The following WWC1 variants were observed in gnomAD, a reference collection of about 807,000 sequenced individuals.
The protein encoded by WWC1 is WW and C2 domain containing 1.
A neutral mutation model predicts 138.4 loss-of-function variants in WWC1; 55 were observed. The ratio of observed to expected loss-of-function variants is 0.40; its 90% CI spans 0.32 to 0.50. The LOEUF is 0.50. Among genes scored for constraint, WWC1 ranks in the 20% least tolerant of loss-of-function variants. The pLI, the probability that WWC1 is intolerant of heterozygous loss-of-function variation, is 0.72. For missense variants in WWC1, 1,226 were observed against 1,420.4 expected, an observed-to-expected ratio of 0.86 and a Z score of 2.20; for synonymous variants, 524 against 564.9, an observed-to-expected ratio of 0.93 and a Z score of 1.03.
At chr5:168,392,917 A>G (rs1299679538) in intron 3 of WWC1, among the ~76,000 whole-genome samples, 2 of 152,116 alleles carry the variant, frequency 1.3e-5, no homozygotes, top group Non-Finnish European at 2.9e-5. Context: ...TGAAGAAGAG[A>G]CCGTTAAGAG....
rs1311497231 is a variant in WWC1, at chr5:168,414,444, G to A, written c.1038G>A (p.Glu346=). Reference sequence around the variant, plus strand: ...GGGACCGGCTGATCCTTATCAACGAGAAGGAGGAGCTGCTGAAGGAGATGC... The same window carrying A: ...GGGACCGGCTGATCCTTATCAACGAAAAGGAGGAGCTGCTGAAGGAGATGC... The part of the protein sequence containing the change: ...SERDRLILIN[E]KEELLKEMRF... Residue 346 remains glutamate (E), a synonymous_variant, in exon 9 of 23, where the codon GAG becomes GAA. Coordinates refer to ENST00000265293, the MANE Select transcript of WWC1 (RefSeq NM_015238.3). 5 of 1,584,590 alleles carry A rather than the reference G, an allele frequency of 3.2e-6. No individual in the cohort carries two copies. The African/African-American group carries it at 6.7e-5, about 21-fold the overall frequency.
At position 168,300,674 on chromosome 5, in the gene WWC1, C is replaced by T. The variant is rs139762568; in HGVS notation, c.119+8403C>T. Among the ~76,000 whole-genome samples, 1,142 of 151,596 alleles carry T rather than the reference C, an allele frequency of 7.5e-3. 7 individuals are homozygous for T. The highest frequency in any genetic ancestry group is 0.021 in the Middle Eastern group (6 of 292). On this transcript the variant is annotated intron_variant, in intron 1 of 22. Coordinates refer to ENST00000265293, the MANE Select transcript of WWC1 (RefSeq NM_015238.3). Reference sequence around the variant, plus strand: ...TGCTCCATTCATCACTCTCTGGCAGCGAGGACACCAGGCCAACTGCAGCTG... The same window carrying T: ...TGCTCCATTCATCACTCTCTGGCAGTGAGGACACCAGGCCAACTGCAGCTG...
intron 1 of WWC1, among the ~76,000 whole-genome samples, chr5:168,327,957 G>A (rs1414586703): frequency 6.6e-6 from 1 of 152,192 alleles, no homozygotes; most frequent in Non-Finnish European, 1.5e-5. Context: ...GCATGTGGGT[G>A]GATGTGGACT....
At chr5:168,316,984 A>G (rs531606223) in intron 1 of WWC1, among the ~76,000 whole-genome samples, 3 of 152,330 alleles carry the variant, frequency 2.0e-5, no homozygotes, top group East Asian at 3.9e-4. Flanking sequence ...AAAAGAGTAA[A>G]GTGACAATAT....
rs143647721 is a variant in WWC1, at chr5:168,433,993, C to T, written c.2280+2549C>T. On this transcript the variant is annotated intron_variant, in intron 15 of 22. Transcript: ENST00000265293. ...CCAGCAGGTCTCCCTCTGAAGTCCA[C>T]ACACGTCAGCGCCTCTGTGTTGTCT... Among the ~76,000 whole-genome samples, 8 of 152,384 alleles carry T rather than the reference C, an allele frequency of 5.2e-5. No homozygotes were observed. In the East Asian group the frequency reaches 9.6e-4, roughly 18 times the overall value.
chr5:168,353,179 C>T (rs1230677502), intron 1 of WWC1, among the ~76,000 whole-genome samples: 1 of 152,046 alleles, frequency 6.6e-6, no homozygotes, highest in African/African-American at 2.4e-5. Flanking sequence ...TCCAGGGGGC[C>T]TGGGAAGGTC....
At chr5:168,413,670 C>T (rs1780383192) in intron 8 of WWC1, among the ~76,000 whole-genome samples, 1 of 152,210 alleles carries the variant, frequency 6.6e-6, no homozygotes, top group African/African-American at 2.4e-5. Flanking sequence ...AACTCCAGGC[C>T]TCTGACCCCA....
At chr5:168,455,580 G>A in intron 19 of WWC1, 60 bp downstream of exon 19, 2 of 1,579,516 alleles carry the variant, frequency 1.3e-6, no homozygotes, top group Non-Finnish European at 1.7e-6. Context: ...TTCACACAGG[G>A]CTGGGTGCAA....
chr5:168,419,911 C>T (rs1160089759), intron 9 of WWC1, among the ~76,000 whole-genome samples: 1 of 152,180 alleles, frequency 6.6e-6, no homozygotes, highest in Non-Finnish European at 1.5e-5. Flanking sequence ...GATTTGTCTC[C>T]AGGGAGATAG....
rs1757656595 is a variant in WWC1, at chr5:168,471,180, T to C, written c.*2163T>C. The C allele has an allele frequency of 3.3e-5, 5 of 152,300 alleles. No homozygotes were observed. Among genetic ancestry groups the C allele is most frequent in the Admixed American group, 2.6e-4 (4 of 15,270 alleles). 9.4% of individuals were successfully genotyped at this position (152,300 alleles called of 1,614,324 possible). ...CCCCAGCATACTCCTTACCTGGCTG[T>C]CTCTCCTCATGTATAAGGAACCTAT... On this transcript the variant is annotated 3_prime_UTR_variant, in exon 23 of 23. Transcript: ENST00000265293.
intron 1 of WWC1, among the ~76,000 whole-genome samples, chr5:168,367,338 C>CTTATTTAT (rs1266482559): frequency 1.3e-5 from 2 of 151,942 alleles, no homozygotes; most frequent in Non-Finnish European, 2.9e-5. Context: ...TATTTATTTA[C>CTTATTTAT]TTATTTATTT....
chr5:168,358,780 A>G (rs1243054424), intron 1 of WWC1, among the ~76,000 whole-genome samples: 2 of 148,170 alleles, frequency 1.3e-5, no homozygotes, highest in Non-Finnish European at 2.9e-5. Flanking sequence ...GAGCTTTGAC[A>G]CGCATATATA....
intron 1 of WWC1, among the ~76,000 whole-genome samples, chr5:168,328,241 A>G (rs1165584548): frequency 6.6e-6 from 1 of 152,194 alleles, no homozygotes; most frequent in Non-Finnish European, 1.5e-5. Flanking sequence ...CTGGGCCGTC[A>G]TAGAGACCAG....
At chr5:168,321,015 C>G (rs1772027108) in intron 1 of WWC1, among the ~76,000 whole-genome samples, 1 of 152,196 alleles carries the variant, frequency 6.6e-6, no homozygotes, top group African/African-American at 2.4e-5. Context: ...TAAATTACGG[C>G]AGTTAGCTAA....
chr5:168,427,158 G>T (rs1781565990), intron 11 of WWC1, among the ~76,000 whole-genome samples: 1 of 152,208 alleles, frequency 6.6e-6, no homozygotes, highest in Admixed American at 6.5e-5. Flanking sequence ...GGTGGGTAGG[G>T]ATGGATCTGT....
At chr5:168,418,179 G>A (rs1780795933) in intron 9 of WWC1, among the ~76,000 whole-genome samples, 1 of 152,106 alleles carries the variant, frequency 6.6e-6, no homozygotes. Flanking sequence ...ACACATCCAG[G>A]AGAGGCCGAC....
intron 1 of WWC1, among the ~76,000 whole-genome samples, chr5:168,369,785 A>G (rs1410333204): frequency 6.6e-6 from 1 of 151,280 alleles, no homozygotes. Flanking sequence ...CCCTTTCTTC[A>G]TGTATTTTTC....
intron 1 of WWC1, among the ~76,000 whole-genome samples, chr5:168,311,609 G>A (rs1184028623): frequency 4.6e-5 from 3 of 65,178 alleles, no homozygotes; most frequent in African/African-American, 9.5e-5. Context: ...AGTGGCTCAC[G>A]TCTGTAATCC....
chr5:168,378,961 G>A (rs1777425979), intron 2 of WWC1, among the ~76,000 whole-genome samples: 1 of 152,156 alleles, frequency 6.6e-6, no homozygotes, highest in South Asian at 2.1e-4. Context: ...GCAAGTGTAG[G>A]AAGGGATGGG....
Sources: gnomAD v4.1 joint callset for allele counts (sites outside exome capture counted in the v4.1 genomes callset) on GRCh38, gnomAD v4.1.1 for gene constraint, MANE v1.5 for transcripts, NCBI Gene and HGNC (gene_info 2026-07-23, HGNC 2026-07-21) for gene names.